The following PDE2A variants were observed in gnomAD, a reference collection of about 807,000 sequenced individuals.
The protein encoded by PDE2A is cGMP-dependent 3',5'-cyclic phosphodiesterase.
In PDE2A, 53 loss-of-function variants were observed where a neutral mutation model predicts 133.6. The observed-to-expected ratio is 0.40, with a 90% CI of 0.32 to 0.50. The LOEUF is 0.50. Ranked by LOEUF, PDE2A falls within the 20% of genes least tolerant of loss-of-function variation. The pLI, the probability that PDE2A is intolerant of heterozygous loss-of-function variation, is 0.73. For synonymous variants in PDE2A, 491 were observed against 490.2 expected, an observed-to-expected ratio of 1.00 and a Z score of -0.02; for missense variants, 796 against 1,232.4, an observed-to-expected ratio of 0.65 and a Z score of 5.30.
intron 18 of PDE2A, 54 bp downstream of exon 18, chr11:72,584,497 G>C (rs747055220): frequency 2.0e-6 from 3 of 1,533,120 alleles, no homozygotes; most frequent in Non-Finnish European, 2.6e-6. Flanking sequence ...CGCTCGCTCG[G>C]ACCCGCCCCG....
intron 2 of PDE2A, among the ~76,000 whole-genome samples, chr11:72,617,261 AGT>A (rs1471383581): frequency 1.3e-5 from 2 of 152,050 alleles, no homozygotes; most frequent in East Asian, 3.9e-4. Flanking sequence ...GCCTAGGGTT[AGT>A]GTGGGCCTGC....
chr11:72,641,109 G>A (rs71477739), intron 2 of PDE2A, among the ~76,000 whole-genome samples: 29,517 of 152,122 alleles, frequency 0.19, 3,869 homozygotes, highest in Middle Eastern at 0.31. Flanking sequence ...ACATCCCACC[G>A]CAGGTTGACA....
chr11:72,589,922 G>C lies in PDE2A; in HGVS notation c.816C>G (p.Leu272=), dbSNP rs372859341. 6.8e-6 allele frequency: 11 copies of C among 1,613,216 alleles called. No homozygotes were observed. Among genetic ancestry groups the C allele is most frequent in the Non-Finnish European group, 9.3e-6 (11 of 1,179,758 alleles). The change falls in exon 10 of 31, where the codon CTC becomes CTG. Residue 272 remains leucine (L), a synonymous_variant. Transcript: ENST00000334456. ...GGGCCCTCACCTTGCAAGAAAGCTG[G>C]AGATTGTCCTCCGACACCAGCAGGA... ...CCLLLVSEDN[L]QLSCKVIGDK...
At position 72,653,176 on chromosome 11, in the gene PDE2A, A is replaced by G. The variant is rs181222753; in HGVS notation, c.72-10850T>C. 2.0e-5 allele frequency among the ~76,000 whole-genome samples: 3 copies of G among 152,324 alleles called. No homozygotes were observed. In the East Asian group the frequency reaches 5.8e-4, roughly 29 times the overall value. On this transcript the variant is annotated intron_variant, in intron 1 of 30. Transcript: ENST00000334456. ...GCAAGAGAGAGGGAGGGTGGACTCC[A>G]TCTGTTCTCTGGGCTGGAGGGCTGG...
intron 4 of PDE2A, among the ~76,000 whole-genome samples, chr11:72,600,746 G>C (rs1856708060): frequency 6.6e-6 from 1 of 152,002 alleles, no homozygotes; most frequent in Admixed American, 6.5e-5. Context: ...GGGGGTTGTG[G>C]GGAACTCCAC....
intron 2 of PDE2A, among the ~76,000 whole-genome samples, chr11:72,609,668 G>A (rs1161039898): frequency 2.0e-5 from 3 of 152,114 alleles, no homozygotes; most frequent in Admixed American, 6.6e-5. Context: ...CAGAACAAAG[G>A]AAACGAGGGC....
intron 2 of PDE2A, among the ~76,000 whole-genome samples, chr11:72,632,930 G>A (rs2135420279): frequency 6.6e-6 from 1 of 152,234 alleles, no homozygotes; most frequent in Middle Eastern, 3.4e-3. Context: ...AAGTGCCTAG[G>A]ATGAGGGGAT....
chr11:72,582,697 T>G, intron 20 of PDE2A, 131 bp from the exon 21 acceptor site: 1 of 873,018 alleles, frequency 1.1e-6, no homozygotes, highest in Non-Finnish European at 1.7e-6. Flanking sequence ...CGCTGTGGAC[T>G]GTAACTGGGC....
At chr11:72,618,892 A>T (rs1293930529) in intron 2 of PDE2A, among the ~76,000 whole-genome samples, 1 of 152,094 alleles carries the variant, frequency 6.6e-6, no homozygotes, top group Non-Finnish European at 1.5e-5. Flanking sequence ...CCACCTCTCC[A>T]CCCAGCCCGC....
intron 2 of PDE2A, among the ~76,000 whole-genome samples, chr11:72,626,540 C>T (rs1265780827): frequency 3.3e-5 from 5 of 152,190 alleles, no homozygotes; most frequent in Non-Finnish European, 5.9e-5. Flanking sequence ...TAGATAAGGG[C>T]CCGAAAAGTG....
At chr11:72,649,910 A>G (rs1221336585) in intron 1 of PDE2A, among the ~76,000 whole-genome samples, 1 of 151,872 alleles carries the variant, frequency 6.6e-6, no homozygotes, top group Non-Finnish European at 1.5e-5. Context: ...CTTTGGGCAG[A>G]GTTGGGAAAA....
chr11:72,616,883 C>T (rs990447490), intron 2 of PDE2A, among the ~76,000 whole-genome samples: 18 of 152,204 alleles, frequency 1.2e-4, no homozygotes, highest in Non-Finnish European at 5.9e-5. Flanking sequence ...TCACCTGTCC[C>T]CCTCCCAGGC....
At chr11:72,610,773 C>T (rs1857175235) in intron 2 of PDE2A, among the ~76,000 whole-genome samples, 1 of 152,218 alleles carries the variant, frequency 6.6e-6, no homozygotes, top group Admixed American at 6.5e-5. Flanking sequence ...CACACAGCCA[C>T]AGATCCCACG....
intron 1 of PDE2A, among the ~76,000 whole-genome samples, chr11:72,653,104 G>A (rs1337360127): frequency 6.6e-6 from 1 of 152,228 alleles, no homozygotes; most frequent in Non-Finnish European, 1.5e-5. Flanking sequence ...TAGCAACAAG[G>A]CACGGTGCAG....
Position 72,603,589 on chromosome 11 carries a change from A to C in PDE2A, c.323+1549T>G, listed in dbSNP as rs192349749. Among the ~76,000 whole-genome samples the C allele has an allele frequency of 1.4e-4, 21 of 152,320 alleles. No homozygotes were observed. The South Asian group carries it at 2.3e-3, about 17-fold the overall frequency. On this transcript the variant is annotated intron_variant, in intron 4 of 30. Transcript: ENST00000334456. Reference sequence around the variant, plus strand: ...GAGGAGTGGAGCTTATATGAAGCAAAGTTCTTTAGAATTAGAGGTGGGGGA... The same window carrying C: ...GAGGAGTGGAGCTTATATGAAGCAACGTTCTTTAGAATTAGAGGTGGGGGA...
chr11:72,642,742 C>T (rs1859016062), intron 1 of PDE2A, among the ~76,000 whole-genome samples: 1 of 151,318 alleles, frequency 6.6e-6, no homozygotes, highest in Non-Finnish European at 1.5e-5. Context: ...TGATCGCACC[C>T]TGTTTCCCCG....
chr11:72,630,013 C>T (rs1858295283), intron 2 of PDE2A, among the ~76,000 whole-genome samples: 1 of 152,160 alleles, frequency 6.6e-6, no homozygotes. Context: ...CACACACACA[C>T]ACACCCTCCT....
At chr11:72,667,885 G>C (rs1410664934) in intron 1 of PDE2A, among the ~76,000 whole-genome samples, 1 of 130,896 alleles carries the variant, frequency 7.6e-6, no homozygotes, top group African/African-American at 2.6e-5. Flanking sequence ...AAAAAAAAAA[G>C]GGTGAGGGAA....
chr11:72,657,764 C>T, intron 1 of PDE2A: 3 of 453,742 alleles, frequency 6.6e-6, no homozygotes, highest in Non-Finnish European at 8.8e-6. Flanking sequence ...AACTCCATCA[C>T]CCCAATCCAG....
Sources: allele counts gnomAD v4.1 joint callset (sites outside exome capture counted in the v4.1 genomes callset), GRCh38; gene constraint gnomAD v4.1.1; transcripts MANE v1.5; gene names NCBI Gene and HGNC (gene_info 2026-07-23, HGNC 2026-07-21).